Variants in C12orf42 observed in about 807,000 individuals in gnomAD.
C12orf42 encodes the protein uncharacterized protein C12orf42.
Under a neutral mutation model 21.6 loss-of-function variants are expected in C12orf42, and 25 were observed. The ratio of observed to expected loss-of-function variants is 1.16; its 90% confidence interval spans 0.84 to 1.62. The LOEUF (loss-of-function observed/expected upper bound fraction) is 1.62, where lower values mean the gene tolerates loss of function less well. Among genes scored for constraint, C12orf42 ranks in the 40% most tolerant of loss-of-function variants. The pLI is 0.00. For synonymous variants in C12orf42, 174 were observed against 175.0 expected (o/e 0.99, Z 0.05); for missense variants, 483 against 459.3 (o/e 1.05, Z -0.47).
the C12orf42 span, among the ~76,000 whole-genome samples, chr12:103,232,546 T>C: frequency 2.6e-5 from 4 of 151,944 alleles, no homozygotes; most frequent in African/African-American, 4.8e-5. Context: ...CCATGTCTAC[T>C]AAAAATACAA....
At chr12:103,455,564 T>C (rs1377671278) in intron 2 of C12orf42, among the ~76,000 whole-genome samples, 1 of 152,100 alleles carries the variant, frequency 6.6e-6, no homozygotes, top group African/African-American at 2.4e-5. Context: ...TCCTCTCTGC[T>C]CCTCTCAACA....
intron 3 of C12orf42, among the ~76,000 whole-genome samples, chr12:103,375,083 C>G (rs1236681717): frequency 6.6e-6 from 1 of 152,160 alleles, no homozygotes; most frequent in Non-Finnish European, 1.5e-5. Flanking sequence ...TGAAGTGACT[C>G]TCTCTCTATT....
chr12:103,266,137 A>G (rs2035158873), downstream of C12orf42, among the ~76,000 whole-genome samples: 1 of 152,120 alleles, frequency 6.6e-6, no homozygotes, highest in African/African-American at 2.4e-5. Flanking sequence ...TTCTAAAAGC[A>G]TTTTCTTAAA....
chr12:103,384,055 G>A (rs1050631023), intron 3 of C12orf42, among the ~76,000 whole-genome samples: 17 of 152,152 alleles, frequency 1.1e-4, no homozygotes, highest in African/African-American at 3.9e-4. Flanking sequence ...CCAGCGTTTT[G>A]AATGGTATTC....
chr12:103,535,181 C>A, the C12orf42 span, among the ~76,000 whole-genome samples: 26 of 152,096 alleles, frequency 1.7e-4, no homozygotes, highest in African/African-American at 6.0e-4. Flanking sequence ...GATAGAGAAG[C>A]TAAATCCTGA....
At chr12:103,223,026 A>G in the C12orf42 span, among the ~76,000 whole-genome samples, 3 of 152,132 alleles carry the variant, frequency 2.0e-5, no homozygotes, top group East Asian at 1.9e-4. Flanking sequence ...TTCTTTATTC[A>G]TTCATTCACA....
intron 2 of C12orf42, among the ~76,000 whole-genome samples, chr12:103,443,926 A>G (rs1376264783): frequency 6.6e-6 from 1 of 152,264 alleles, no homozygotes; most frequent in South Asian, 2.1e-4. Context: ...AGCTATTTCC[A>G]GATTTCATGT....
At chr12:103,184,302 C>T in the C12orf42 span, among the ~76,000 whole-genome samples, 13 of 152,120 alleles carry the variant, frequency 8.5e-5, no homozygotes, top group Non-Finnish European at 4.4e-5. Context: ...TTATATAATG[C>T]CCCACTTGGT....
chr12:103,294,567 GA>G (rs1396924628), intron 4 of C12orf42, among the ~76,000 whole-genome samples: 1 of 92,688 alleles, frequency 1.1e-5, no homozygotes, highest in Non-Finnish European at 2.1e-5. Context: ...GAAAGAAAAA[GA>G]AAGGAAGGAA....
the C12orf42 span, among the ~76,000 whole-genome samples, chr12:103,131,725 C>T: frequency 2.0e-5 from 3 of 152,138 alleles, no homozygotes; most frequent in Non-Finnish European, 2.9e-5. Context: ...TGGCAGGTTG[C>T]TCCTGATAGT....
chr12:103,369,009 G>C lies in C12orf42; in HGVS notation c.148-11C>G. On this transcript the variant is annotated splice_polypyrimidine_tract_variant and intron_variant, in intron 3 of 5. Transcript: ENST00000548883. Reference sequence around the variant, plus strand: ...ATAACAAGGGATGTGCTGTAAGATAGAGGAGAAAAATACACACAAAAAAAT... The same window carrying C: ...ATAACAAGGGATGTGCTGTAAGATACAGGAGAAAAATACACACAAAAAAAT... The C allele has an allele frequency of 2.0e-6, 3 of 1,495,506 alleles. No individual in the cohort carries two copies. Among genetic ancestry groups the C allele is most frequent in the Non-Finnish European group, 2.7e-6 (3 of 1,092,118 alleles). 92.6% of individuals were successfully genotyped at this position (1,495,506 alleles called of 1,614,324 possible).
At chr12:103,446,789 G>T (rs1951603303) in intron 2 of C12orf42, among the ~76,000 whole-genome samples, 1 of 151,874 alleles carries the variant, frequency 6.6e-6, no homozygotes, top group Admixed American at 6.6e-5. Flanking sequence ...ATGATAAAAG[G>T]ACTAGTCCAA....
chr12:103,488,420 T>C (rs1374202758), intron 1 of C12orf42, among the ~76,000 whole-genome samples: 1 of 152,194 alleles, frequency 6.6e-6, no homozygotes, highest in African/African-American at 2.4e-5. Flanking sequence ...AATCTGACAA[T>C]TGTGTGTCTT....
chr12:103,157,283 G>A, the C12orf42 span, among the ~76,000 whole-genome samples: 112 of 152,186 alleles, frequency 7.4e-4, no homozygotes, highest in African/African-American at 2.5e-3. Flanking sequence ...TTTGAGAAGC[G>A]TCTGTTCATA....
At chr12:103,529,455 A>C in the C12orf42 span, among the ~76,000 whole-genome samples, 1 of 152,198 alleles carries the variant, frequency 6.6e-6, no homozygotes, top group Non-Finnish European at 1.5e-5. Context: ...GAACTATTTC[A>C]ACAGTGCGTC....
chr12:103,159,161 T>C, the C12orf42 span, among the ~76,000 whole-genome samples: 32 of 152,288 alleles, frequency 2.1e-4, no homozygotes, highest in African/African-American at 3.6e-4. Context: ...GCTTCTTCCA[T>C]TGATTTTTTT....
the C12orf42 span, among the ~76,000 whole-genome samples, chr12:103,180,007 A>T: frequency 1.2e-4 from 19 of 152,268 alleles, no homozygotes; most frequent in East Asian, 1.2e-3. Flanking sequence ...AATAGGGAGC[A>T]TGACAAATTC....
chr12:103,536,597 C>T, the C12orf42 span, among the ~76,000 whole-genome samples: 1 of 152,180 alleles, frequency 6.6e-6, no homozygotes, highest in African/African-American at 2.4e-5. Flanking sequence ...CCAGCCATCA[C>T]ATGTCCAACA....
At chr12:103,146,704 G>C in the C12orf42 span, among the ~76,000 whole-genome samples, 5 of 152,150 alleles carry the variant, frequency 3.3e-5, no homozygotes, top group Non-Finnish European at 7.3e-5. Flanking sequence ...ATTACAGTAA[G>C]TTGTGCTTTT....
Sources: allele counts gnomAD v4.1 joint callset (sites outside exome capture counted in the v4.1 genomes callset), GRCh38; gene constraint gnomAD v4.1.1; transcripts MANE v1.5; gene names NCBI Gene and HGNC (gene_info 2026-07-23, HGNC 2026-07-21).